The following ZFAND3 variants were observed in gnomAD, a reference collection of about 807,000 sequenced individuals.
ZFAND3 encodes AN1-type zinc finger protein 3.
Under a neutral mutation model 29.6 loss-of-function variants are expected in ZFAND3, and 10 were observed. That is an observed-to-expected ratio of 0.34 (90% confidence interval 0.21 to 0.57). ZFAND3 has a LOEUF of 0.57. Ranked by LOEUF, ZFAND3 falls within the 20% of genes least tolerant of loss-of-function variation. ZFAND3 has a pLI of 0.86. For synonymous variants in ZFAND3, 128 were observed against 112.6 expected (o/e 1.14, Z -0.87); for missense variants, 230 against 304.5 (o/e 0.76, Z 1.82).
rs79756349 is a variant in ZFAND3, at chr6:37,921,662, A to G, written c.72-8297A>G. 0.017 allele frequency among the ~76,000 whole-genome samples: 2,594 copies of G among 152,230 alleles called. 256 individuals carry two copies. The East Asian group carries it at 0.28, about 16-fold the overall frequency. On this transcript the variant is annotated intron_variant, in intron 1 of 5. Transcript: ENST00000287218. ...TAGCATGAAGGCTAATTTGTCATTA[A>G]AACATTGATATCCTTCAAAATTGAA...
intron 1 of ZFAND3, among the ~76,000 whole-genome samples, chr6:37,896,518 C>CT (rs1195295043): frequency 7.5e-4 from 68 of 91,154 alleles, no homozygotes; most frequent in African/African-American, 3.7e-3. Context: ...TCTTTCTTTT[C>CT]TTTCTTTCTT....
At chr6:38,047,906 G>A (rs898553409) in intron 2 of ZFAND3, among the ~76,000 whole-genome samples, 1 of 151,534 alleles carries the variant, frequency 6.6e-6, no homozygotes, top group African/African-American at 2.4e-5. Context: ...ATTAGCCTAA[G>A]CTGACTGATA....
At chr6:37,837,860 G>A (rs1056578062) in intron 1 of ZFAND3, among the ~76,000 whole-genome samples, 5 of 152,146 alleles carry the variant, frequency 3.3e-5, no homozygotes, top group Admixed American at 2.0e-4. Context: ...ATACCAATAT[G>A]CTAAATATAC....
chr6:38,118,578 T>A (rs1325683959), intron 5 of ZFAND3, among the ~76,000 whole-genome samples: 1 of 150,878 alleles, frequency 6.6e-6, no homozygotes, highest in Non-Finnish European at 1.5e-5. Flanking sequence ...GATCAAGCAA[T>A]TGGTCTATCA....
At chr6:38,082,153 T>C (rs3800365) in intron 3 of ZFAND3, among the ~76,000 whole-genome samples, 1 of 150,334 alleles carries the variant, frequency 6.7e-6, no homozygotes, top group South Asian at 2.1e-4. Flanking sequence ...TTTTTTTTTT[T>C]TTTGTGTGTG....
chr6:37,822,388 A>G (rs925962137), intron 1 of ZFAND3, among the ~76,000 whole-genome samples: 21 of 152,184 alleles, frequency 1.4e-4, no homozygotes, highest in African/African-American at 4.1e-4. Flanking sequence ...TTTGTAGACA[A>G]TTGTGTAGTT....
intron 2 of ZFAND3, among the ~76,000 whole-genome samples, chr6:38,041,496 T>C (rs1048650619): frequency 9.2e-5 from 14 of 151,832 alleles, no homozygotes; most frequent in Non-Finnish European, 1.9e-4. Context: ...TTCTATTTTA[T>C]TTAGTAAGCT....
At chr6:38,081,274 T>A (rs1490383904) in intron 3 of ZFAND3, among the ~76,000 whole-genome samples, 1 of 152,152 alleles carries the variant, frequency 6.6e-6, no homozygotes, top group Non-Finnish European at 1.5e-5. Context: ...TTTCCTCTTT[T>A]AAAATTTCCC....
chr6:37,887,378 G>T (rs1350262829), intron 1 of ZFAND3, among the ~76,000 whole-genome samples: 1 of 152,074 alleles, frequency 6.6e-6, no homozygotes, highest in African/African-American at 2.4e-5. Context: ...TGAGTACTTT[G>T]TACCAACTAA....
At chr6:38,070,318 G>T (rs573852119) in intron 3 of ZFAND3, among the ~76,000 whole-genome samples, 1 of 151,982 alleles carries the variant, frequency 6.6e-6, no homozygotes, top group South Asian at 2.1e-4. Context: ...CAGCTACTCG[G>T]GGGGCTGAGG....
rs977931650 is a variant in ZFAND3, at chr6:38,154,388, G to C, written c.*1999G>C. ...GACTTAGAGCTGGGGGGGGTGGGGG[G>C]TGGGGCTTGTTCCCCTGCAGTATCT... On this transcript the variant is annotated 3_prime_UTR_variant, in exon 6 of 6. Transcript: ENST00000287218. 8.6e-6 allele frequency: 4 copies of C among 467,710 alleles called. No individual in the cohort carries two copies. The African/African-American group carries it at 8.6e-5, about 10-fold the overall frequency. 29.0% of individuals were successfully genotyped at this position (467,710 alleles called of 1,614,324 possible).
At chr6:37,840,338 A>G (rs1354318253) in intron 1 of ZFAND3, among the ~76,000 whole-genome samples, 1 of 152,216 alleles carries the variant, frequency 6.6e-6, no homozygotes. Context: ...AGCTCAAGCA[A>G]TCCGCCTGCT....
At chr6:37,978,984 C>G (rs1762535507) in intron 2 of ZFAND3, among the ~76,000 whole-genome samples, 2 of 151,502 alleles carry the variant, frequency 1.3e-5, no homozygotes, top group African/African-American at 4.9e-5. Flanking sequence ...GTCAGTCTGG[C>G]TAGACATTTA....
chr6:38,086,684 G>A (rs1285236175), intron 4 of ZFAND3, among the ~76,000 whole-genome samples: 2 of 152,068 alleles, frequency 1.3e-5, no homozygotes, highest in South Asian at 2.1e-4. Context: ...TACTGTAACC[G>A]GAGTTACAGT....
intron 5 of ZFAND3, among the ~76,000 whole-genome samples, chr6:38,127,550 C>T (rs184443910): frequency 1.9e-4 from 29 of 152,322 alleles, no homozygotes; most frequent in Admixed American, 1.8e-3. Flanking sequence ...GGGCTATACT[C>T]ACTTGAGGTG....
intron 4 of ZFAND3, among the ~76,000 whole-genome samples, chr6:38,091,992 TTC>T (rs1277529469): frequency 6.6e-6 from 1 of 152,134 alleles, no homozygotes; most frequent in East Asian, 1.9e-4. Flanking sequence ...ACAAGTTGTA[TTC>T]TCTGTTTTCC....
chr6:38,076,872 A>C (rs1271313303), intron 3 of ZFAND3, among the ~76,000 whole-genome samples: 1 of 152,264 alleles, frequency 6.6e-6, no homozygotes, highest in East Asian at 1.9e-4. Context: ...TTCTTTTCTG[A>C]AGAGATTACT....
intron 2 of ZFAND3, among the ~76,000 whole-genome samples, chr6:38,029,222 C>T (rs1763504053): frequency 6.6e-6 from 1 of 152,156 alleles, no homozygotes; most frequent in African/African-American, 2.4e-5. Context: ...TGAAATGTCT[C>T]CATCAGGCCA....
At chr6:37,830,093 A>G (rs1241472309) in intron 1 of ZFAND3, among the ~76,000 whole-genome samples, 4 of 152,200 alleles carry the variant, frequency 2.6e-5, no homozygotes, top group Non-Finnish European at 5.9e-5. Flanking sequence ...AGATTTTTAC[A>G]TTGTGTGTGT....
Sources: gnomAD v4.1 joint callset for allele counts (sites outside exome capture counted in the v4.1 genomes callset) on GRCh38, gnomAD v4.1.1 for gene constraint, MANE v1.5 for transcripts, NCBI Gene and HGNC (gene_info 2026-07-23, HGNC 2026-07-21) for gene names.